TBC1D12: variants seen among roughly 807,000 people sequenced by gnomAD.
The protein encoded by TBC1D12 is TBC1 domain family member 12.
A neutral mutation model predicts 86.7 loss-of-function variants in TBC1D12; 56 were observed. That is an observed-to-expected ratio of 0.65 (90% CI 0.52 to 0.81). The LOEUF (loss-of-function observed/expected upper bound fraction) is 0.81. TBC1D12 is among the 30% of genes least tolerant of loss of function. The probability of loss-of-function intolerance (pLI) is 0.00; values close to 1 mark genes in which losing one functional copy is unlikely to be tolerated. For missense variants in TBC1D12, 1,023 were observed against 1,038.8 expected, an observed-to-expected ratio of 0.98 and a Z score of 0.21; for synonymous variants, 421 against 411.7, an observed-to-expected ratio of 1.02 and a Z score of -0.27.
intron 2 of TBC1D12, among the ~76,000 whole-genome samples, chr10:94,452,596 G>T (rs1448079152): frequency 6.6e-6 from 1 of 152,018 alleles, no homozygotes; most frequent in East Asian, 1.9e-4. Flanking sequence ...TTTCTTCCAT[G>T]CCTTTCCATG....
At chr10:94,489,195 G>A (rs1277921491) in intron 3 of TBC1D12, among the ~76,000 whole-genome samples, 4 of 152,198 alleles carry the variant, frequency 2.6e-5, no homozygotes, top group African/African-American at 9.7e-5. Flanking sequence ...GCTGGGATGG[G>A]CGCTTCCCCT....
Position 94,402,717 on chromosome 10 carries a change from C to A in TBC1D12, c.104C>A (p.Ala35Asp), listed in dbSNP as rs781343383. Residue 35 changes from alanine (A) to aspartate (D), a missense_variant, in exon 1 of 13, where the codon GCC becomes GAC. Transcript: ENST00000225235. ...GGCCAGGACAGGAAGGTAATCCGGG[C>A]CACGGGCGGCTTTGGCGGAGGCGTC... ...PVGQDRKVIR[A>D]TGGFGGGVGA... 9 of 1,578,144 alleles carry A rather than the reference C, an allele frequency of 5.7e-6. No homozygotes were observed. Among genetic ancestry groups the A allele is most frequent in the South Asian group, 2.3e-5 (2 of 87,210 alleles).
At chr10:94,531,759 T>TTATTTTATTTTATG (rs1564996741) in intron 12 of TBC1D12, among the ~76,000 whole-genome samples, 3,598 of 66,930 alleles carry the variant, frequency 0.054, 476 homozygotes, top group Middle Eastern at 0.11. Flanking sequence ...GTTATTTTAT[T>TTATTTTATTTTATG]TTATTTTATT....
At chr10:94,469,605 A>T (rs2134137151) in intron 2 of TBC1D12, among the ~76,000 whole-genome samples, 1 of 151,840 alleles carries the variant, frequency 6.6e-6, no homozygotes, top group South Asian at 2.1e-4. Context: ...ACATGCCACC[A>T]TGCCCAGCTA....
At chr10:94,523,192 CAAAAAAAAAAAAAAA>C (rs33935088) in intron 11 of TBC1D12, among the ~76,000 whole-genome samples, 1 of 44,076 alleles carries the variant, frequency 2.3e-5, no homozygotes, top group Non-Finnish European at 4.0e-5. Flanking sequence ...AACTCTATCT[CAAAAAAAAAAAAAAA>C]AAAAAAAAAA....
intron 1 of TBC1D12, among the ~76,000 whole-genome samples, chr10:94,421,067 G>A (rs151081767): frequency 1.1e-3 from 171 of 152,206 alleles, no homozygotes; most frequent in Non-Finnish European, 2.1e-3. Context: ...ACTGTGCTAT[G>A]CAGTAGAACA....
At chr10:94,495,828 A>T (rs1168577073) in intron 4 of TBC1D12, among the ~76,000 whole-genome samples, 1 of 152,080 alleles carries the variant, frequency 6.6e-6, no homozygotes, top group East Asian at 1.9e-4. Flanking sequence ...TGTCGGCCAG[A>T]TGCGGTAGCT....
At chr10:94,486,153 T>TC (rs2056159739) in intron 3 of TBC1D12, among the ~76,000 whole-genome samples, 1 of 146,870 alleles carries the variant, frequency 6.8e-6, no homozygotes, top group Non-Finnish European at 1.5e-5. Flanking sequence ...TTTTTTTTTT[T>TC]TTTTGTTATT....
intron 1 of TBC1D12, among the ~76,000 whole-genome samples, 162 bp downstream of exon 1, chr10:94,403,746 T>C (rs2054810164): frequency 6.6e-6 from 1 of 152,194 alleles, no homozygotes; most frequent in Non-Finnish European, 1.5e-5. Flanking sequence ...GATTTGTCAC[T>C]GGAGGAAGAG....
chr10:94,501,837 C>T (rs971134833), intron 6 of TBC1D12, among the ~76,000 whole-genome samples: 2 of 151,832 alleles, frequency 1.3e-5, no homozygotes, highest in Non-Finnish European at 2.9e-5. Context: ...TGTAAGCCAC[C>T]GTGCCTGGCT....
chr10:94,509,127 G>A (rs1272099373), intron 7 of TBC1D12: 1 of 43,488 alleles, frequency 2.3e-5, no homozygotes, highest in African/African-American at 9.3e-5. Flanking sequence ...TTTTTTTTTT[G>A]AGATGCTCAC....
chr10:94,465,900 G>GCATATATA (rs1311570387), intron 2 of TBC1D12, among the ~76,000 whole-genome samples: 9 of 148,542 alleles, frequency 6.1e-5, no homozygotes, highest in African/African-American at 2.2e-4. Context: ...ACATACATAC[G>GCATATATA]CATATATACA....
At chr10:94,531,552 A>G in intron 12 of TBC1D12, 92 bp downstream of exon 12, 1 of 1,308,662 alleles carries the variant, frequency 7.6e-7, no homozygotes, top group East Asian at 2.6e-5. Context: ...TAGTACTTAA[A>G]AATATGTCTT....
chr10:94,502,800 A>G (rs1408238947), intron 6 of TBC1D12, among the ~76,000 whole-genome samples: 1 of 152,220 alleles, frequency 6.6e-6, no homozygotes, highest in Non-Finnish European at 1.5e-5. Flanking sequence ...TACTAGAAAT[A>G]ATATATTGTC....
At chr10:94,466,695 C>G (rs757471366) in intron 2 of TBC1D12, among the ~76,000 whole-genome samples, 115 of 152,134 alleles carry the variant, frequency 7.6e-4, no homozygotes, top group Non-Finnish European at 1.6e-3. Context: ...ATAAATACCT[C>G]TCATTCAGTT....
intron 9 of TBC1D12, among the ~76,000 whole-genome samples, chr10:94,520,209 A>G (rs1164675655): frequency 2.0e-5 from 3 of 152,236 alleles, no homozygotes; most frequent in Non-Finnish European, 2.9e-5. Flanking sequence ...AAATCTCAAA[A>G]TAGTATGGTA....
intron 2 of TBC1D12, among the ~76,000 whole-genome samples, chr10:94,463,806 A>G (rs1027925899): frequency 1.3e-5 from 2 of 152,238 alleles, no homozygotes; most frequent in South Asian, 4.1e-4. Context: ...AGTTTAGGTC[A>G]TGTTAGATGG....
intron 1 of TBC1D12, among the ~76,000 whole-genome samples, chr10:94,414,702 C>A (rs913418355): frequency 2.6e-4 from 39 of 151,480 alleles, no homozygotes; most frequent in African/African-American, 9.5e-4. Context: ...CAGGTTCCAG[C>A]GATTCTCCCA....
intron 11 of TBC1D12, among the ~76,000 whole-genome samples, chr10:94,526,444 AAAAG>A (rs892232284): frequency 3.2e-4 from 48 of 151,920 alleles, no homozygotes; most frequent in African/African-American, 9.9e-4. Flanking sequence ...AAAAAAAAAA[AAAAG>A]AAAGAAAAAG....
Sources: allele counts gnomAD v4.1 joint callset (sites outside exome capture counted in the v4.1 genomes callset), GRCh38; gene constraint gnomAD v4.1.1; transcripts MANE v1.5; gene names NCBI Gene and HGNC (gene_info 2026-07-23, HGNC 2026-07-21).